Variants in SV2B observed in about 807,000 individuals in gnomAD.
SV2B encodes the protein synaptic vesicle glycoprotein 2B, also known as solute carrier family 22 member B2.
Under a neutral mutation model 73.9 loss-of-function variants are expected in SV2B, and 41 were observed. The observed-to-expected ratio is 0.56, with a 90% confidence interval of 0.43 to 0.72. The LOEUF is 0.72. SV2B is among the 30% of genes least tolerant of loss of function. The pLI, the probability that SV2B is intolerant of heterozygous loss-of-function variation, is 0.00. For missense variants in SV2B, 764 were observed against 857.8 expected, an observed-to-expected ratio of 0.89 and a Z score of 1.37; for synonymous variants, 314 against 314.2, an observed-to-expected ratio of 1.00 and a Z score of 0.01.
intron 1 of SV2B, among the ~76,000 whole-genome samples, chr15:91,173,338 A>G (rs2044190700): frequency 6.6e-6 from 1 of 152,136 alleles, no homozygotes; most frequent in Non-Finnish European, 1.5e-5. Flanking sequence ...GCGTGGTACG[A>G]GCTGTGTCAA....
rs148980578 is a variant in SV2B at position 91,252,421 on chromosome 15, C to T, written c.685C>T (p.Arg229Trp). 813 of 1,613,330 alleles carry T rather than the reference C, an allele frequency of 5.0e-4. No homozygotes were observed. The highest frequency in any genetic ancestry group is 6.5e-4 in the Non-Finnish European group (767 of 1,179,716). ...TGCCTATTTTTCTGAATTCTTGTCT[C>T]GGGAGAAGCGAGGAGAACACCTCAG... is the stretch of plus-strand genomic sequence containing the variant. ...VFAYFSEFLS[R>W]EKRGEHLSWL... Residue 229 changes from arginine (R) to tryptophan (W), a missense_variant, in exon 4 of 13, where the codon CGG becomes TGG. Physicochemically the swap from Arg to Trp is moderately radical, Grantham distance 101. Coordinates refer to ENST00000394232, the MANE Select transcript of SV2B (RefSeq NM_001323032.3). This position sits in a 1 kb window ranked among gnomAD's most constrained non-coding sequence, Gnocchi z 4.6.
chr15:91,278,649 GGCCTGGGCGA>G (rs2048577683), intron 9 of SV2B, among the ~76,000 whole-genome samples: 1 of 105,934 alleles, frequency 9.4e-6, no homozygotes, highest in South Asian at 2.7e-4. Context: ...ACTGCAGTCC[GGCCTGGGCGA>G]CAGAGCGAGA....
In SV2B at chr15:91,140,722, G is replaced by T. The variant is rs2042973944; in HGVS notation, c.-392+40359G>T. Among the ~76,000 whole-genome samples the T allele has an allele frequency of 6.6e-6, 1 of 151,952 alleles. No individual in the cohort carries two copies. On this transcript the variant is annotated intron_variant, in intron 1 of 12. Coordinates refer to ENST00000394232, the MANE Select transcript of SV2B (RefSeq NM_001323032.3). This position sits in a 1 kb window ranked among gnomAD's most constrained non-coding sequence, Gnocchi z 4.4. ...GAGACATGTACTAGATACTTCTGTG[G>T]CTTAAAACACCACCTTCTACCAAAG... is the stretch of plus-strand genomic sequence containing the variant.
intron 1 of SV2B, among the ~76,000 whole-genome samples, chr15:91,114,241 T>A (rs1045089681): frequency 4.9e-5 from 7 of 144,164 alleles, no homozygotes; most frequent in African/African-American, 1.8e-4. Flanking sequence ...ATTGGAGAAC[T>A]GAGAAAGGTG....
chr15:91,126,899 T>C (rs985878631), intron 1 of SV2B, among the ~76,000 whole-genome samples: 1 of 152,244 alleles, frequency 6.6e-6, no homozygotes, highest in African/African-American at 2.4e-5. Context: ...AACAACGTCA[T>C]AGTTAATGGT....
chr15:91,292,234 A>T lies in SV2B; in HGVS notation c.1869-135A>T, dbSNP rs149060025. 6.9e-3 allele frequency: 5,029 copies of T among 732,948 alleles called. 48 individuals are homozygous for T. Among genetic ancestry groups the T allele is most frequent in the South Asian group, 0.012 (496 of 41,948 alleles). The allele number at this position is 732,948 out of a possible 1,614,324, so 45.4% of individuals were successfully genotyped here. A position where few individuals can be genotyped will look rare whatever the true frequency, so the allele number is the denominator to read the frequency against. On this transcript the variant is annotated intron_variant, in intron 12 of 12. Transcript: ENST00000394232. ...ATTTCCAAATTTGACTACAATGAGA[A>T]TGTGTTATTTTTATATTTAGGAAAA...
intron 2 of SV2B, among the ~76,000 whole-genome samples, chr15:91,248,193 CGCCTG>C (rs1567389828): frequency 6.6e-6 from 1 of 151,964 alleles, no homozygotes; most frequent in East Asian, 1.9e-4. Context: ...TGGTGGTGGG[CGCCTG>C]TAGTCCCAGC....
intron 1 of SV2B, among the ~76,000 whole-genome samples, chr15:91,189,761 G>A (rs1024730225): frequency 2.0e-5 from 3 of 152,242 alleles, no homozygotes; most frequent in Admixed American, 2.0e-4. Flanking sequence ...GGCCGAGGCG[G>A]ATGGATCACG....
In SV2B at chr15:91,214,926, G is replaced by A. The variant is rs903597623; in HGVS notation, c.-391-10947G>A. Among the ~76,000 whole-genome samples the A allele has an allele frequency of 6.6e-6, 1 of 152,204 alleles. No homozygotes were observed. The highest frequency in any genetic ancestry group is 1.5e-5 in the Non-Finnish European group (1 of 68,042). ...TTTTGGATAAACTACAAGAGACGCT[G>A]CTCAGTGATTCTTGATTCTGTTTAC... On this transcript the variant is annotated intron_variant, in intron 1 of 12. Transcript: ENST00000394232. This position sits in a 1 kb window ranked among gnomAD's most constrained non-coding sequence, Gnocchi z 4.7.
rs1453290480 is a variant in SV2B, at chr15:91,121,398, C to A, written c.-392+21035C>A. ...TTTAAAAATAAGCTGCCCAATGATCCTAATGTGCAGCCAAGACCCAGTGAC... is the reference window on the plus strand; with the variant it reads ...TTTAAAAATAAGCTGCCCAATGATCATAATGTGCAGCCAAGACCCAGTGAC... On this transcript the variant is annotated intron_variant, in intron 1 of 12. Transcript: ENST00000394232. This position sits in a 1 kb window ranked among gnomAD's most constrained non-coding sequence, Gnocchi z 4.4. Among the ~76,000 whole-genome samples, 1 of 152,148 alleles carries A rather than the reference C, an allele frequency of 6.6e-6. No homozygotes were observed. The highest frequency in any genetic ancestry group is 1.9e-4 in the East Asian group (1 of 5,198).
Position 91,284,154 on chromosome 15 carries a change from G to A in SV2B, c.1641G>A (p.Leu547=). Residue 547 remains leucine (L), a synonymous_variant, in exon 11 of 13, where the codon CTG becomes CTA. Transcript: ENST00000394232. This position sits in a 1 kb window ranked among gnomAD's most constrained non-coding sequence, Gnocchi z 4.5. ...ACCTCGTCAGCTTCCTGGGCAGCCT[G>A]TCTGTCTTACCCGGGAACATCATTT... ...LIYLVSFLGS[L]SVLPGNIISA... 1.9e-6 allele frequency: 3 copies of A among 1,614,200 alleles called. No individual in the cohort carries two copies. The highest frequency in any genetic ancestry group is 1.3e-5 in the African/African-American group (1 of 75,052).
chr15:91,253,552 A>C lies in SV2B; in HGVS notation c.784+1032A>C, dbSNP rs956608294. On this transcript the variant is annotated intron_variant, in intron 4 of 12. Coordinates refer to ENST00000394232, the MANE Select transcript of SV2B (RefSeq NM_001323032.3). The surrounding 1 kb of genome is among the most constrained non-coding windows in gnomAD (Gnocchi z 5.0). The stretch of plus-strand genomic sequence containing the variant: ...AACCCTGAAATCTCAGTGTTTTAAC[A>C]CAGTGAAAGCTTCTCCCTTATGTGA... 1.3e-5 allele frequency among the ~76,000 whole-genome samples: 2 copies of C among 152,240 alleles called. No individual in the cohort carries two copies. The highest frequency in any genetic ancestry group is 2.9e-5 in the Non-Finnish European group (2 of 68,036).
intron 1 of SV2B, among the ~76,000 whole-genome samples, chr15:91,213,361 T>C (rs994443212): frequency 1.3e-5 from 2 of 152,144 alleles, no homozygotes; most frequent in African/African-American, 4.8e-5. Flanking sequence ...CAGTTTGGTA[T>C]AGCAGGTGAG....
At chr15:91,279,021 A>G (rs898774111) in intron 9 of SV2B, among the ~76,000 whole-genome samples, 47 of 152,338 alleles carry the variant, frequency 3.1e-4, no homozygotes, top group African/African-American at 1.0e-3. Flanking sequence ...ATTGAAGAGT[A>G]TATATGACAT....
At position 91,294,497 on chromosome 15, in the gene SV2B, A is replaced by T. The variant is rs2049152843; in HGVS notation, c.*1945A>T. 1 of 135,894 alleles carries T rather than the reference A, an allele frequency of 7.4e-6. No individual in the cohort carries two copies. The highest frequency in any genetic ancestry group is 1.5e-5 in the Non-Finnish European group (1 of 66,404). 8.4% of individuals were successfully genotyped at this position (135,894 alleles called of 1,614,324 possible). A position where few individuals can be genotyped will look rare whatever the true frequency, so the allele number is the denominator to read the frequency against. On this transcript the variant is annotated 3_prime_UTR_variant, in exon 13 of 13. Coordinates refer to ENST00000394232, the MANE Select transcript of SV2B (RefSeq NM_001323032.3). The surrounding 1 kb of genome is among the most constrained non-coding windows in gnomAD (Gnocchi z 4.1). ...ATTAATCTTTCTCTCAGTGTTTTATAGGAGTACTAACATTTATTGCTCTGT... is the reference window on the plus strand; with the variant it reads ...ATTAATCTTTCTCTCAGTGTTTTATTGGAGTACTAACATTTATTGCTCTGT...
rs758201971 is a variant in SV2B at position 91,252,732 on chromosome 15, C to T, written c.784+212C>T. On this transcript the variant is annotated intron_variant, in intron 4 of 12. Coordinates refer to ENST00000394232, the MANE Select transcript of SV2B (RefSeq NM_001323032.3). The surrounding 1 kb of genome is among the most constrained non-coding windows in gnomAD (Gnocchi z 4.6). The stretch of plus-strand genomic sequence containing the variant: ...AATATATCCTGTCCTCCCTCTTTTC[C>T]TCCTTCCTTCCCTTCCTTCATTCTT... 6.6e-6 allele frequency among the ~76,000 whole-genome samples: 1 copy of T among 151,852 alleles called. No individual in the cohort carries two copies. The highest frequency in any genetic ancestry group is 1.5e-5 in the Non-Finnish European group (1 of 67,972).
chr15:91,211,477 C>G (rs538410777), intron 1 of SV2B, among the ~76,000 whole-genome samples: 1 of 151,098 alleles, frequency 6.6e-6, no homozygotes, highest in Non-Finnish European at 1.5e-5. Context: ...CCTCTTCCTC[C>G]GCTGCTGCTG....
chr15:91,274,954 G>T (rs545974073), intron 9 of SV2B, among the ~76,000 whole-genome samples: 13 of 152,006 alleles, frequency 8.6e-5, no homozygotes, highest in African/African-American at 3.1e-4. Context: ...TAAATCTCCA[G>T]CATCTTTCTG....
rs550449340 is a variant in SV2B, at chr15:91,297,025, C to T, written c.*4473C>T. ...TCCTTCTGCCCGATCGTTGGGCGCACGCTTCTTCTGCCTGATCGTTGGGCG... is the reference window on the plus strand; with the variant it reads ...TCCTTCTGCCCGATCGTTGGGCGCATGCTTCTTCTGCCTGATCGTTGGGCG... On this transcript the variant is annotated 3_prime_UTR_variant, in exon 13 of 13. Coordinates refer to ENST00000394232, the MANE Select transcript of SV2B (RefSeq NM_001323032.3). The surrounding 1 kb of genome is among the most constrained non-coding windows in gnomAD (Gnocchi z 5.1). The T allele has an allele frequency of 5.6e-3, 839 of 148,520 alleles. 3 individuals are homozygous for T. The highest frequency in any genetic ancestry group is 8.1e-3 in the Non-Finnish European group (550 of 67,676). 9.2% of individuals were successfully genotyped at this position (148,520 alleles called of 1,614,324 possible).
Sources: allele counts gnomAD v4.1 joint callset (sites outside exome capture counted in the v4.1 genomes callset), GRCh38; gene constraint gnomAD v4.1.1; non-coding constraint Gnocchi (gnomAD v3.1); transcripts MANE v1.5; gene names NCBI Gene and HGNC (gene_info 2026-07-23, HGNC 2026-07-21).